STK32B: variants seen among roughly 807,000 people sequenced by gnomAD.
STK32B encodes serine/threonine kinase 32B, also known as serine/threonine-protein kinase 32B.
STK32B carries 43 observed loss-of-function variants against 52.6 expected under a neutral mutation model. That is an observed-to-expected ratio of 0.82 (90% CI 0.64 to 1.05). The LOEUF (loss-of-function observed/expected upper bound fraction) is 1.05. STK32B is among the 50% of genes least tolerant of loss of function. The pLI, the probability that STK32B is intolerant of heterozygous loss-of-function variation, is 0.00. For missense variants in STK32B, 621 were observed against 534.6 expected, an observed-to-expected ratio of 1.16 and a Z score of -1.59; for synonymous variants, 238 against 204.3, an observed-to-expected ratio of 1.17 and a Z score of -1.41.
the STK32B span, among the ~76,000 whole-genome samples, chr4:5,034,370 C>T: frequency 6.6e-6 from 1 of 152,238 alleles, no homozygotes; most frequent in African/African-American, 2.4e-5. Context: ...TGCCTTCCAT[C>T]TGTCACTTTC....
At position 5,076,574 on chromosome 4, in the gene STK32B, T is replaced by G. The variant is rs140100399; in HGVS notation, c.52+24659T>G. The stretch of plus-strand genomic sequence containing the variant: ...TTGCTGATAAACATTTTTTCTACAT[T>G]GTTTTTTCACCGACTAGTAAATACT... On this transcript the variant is annotated intron_variant, in intron 1 of 11. Transcript: ENST00000282908. Among the ~76,000 whole-genome samples, 223 of 152,310 alleles carry G rather than the reference T, an allele frequency of 1.5e-3. 3 individuals are homozygous for G. The East Asian group carries it at 0.029, about 20-fold the overall frequency.
At chr4:5,314,893 A>C (rs1238335035) in intron 3 of STK32B, among the ~76,000 whole-genome samples, 1 of 152,196 alleles carries the variant, frequency 6.6e-6, no homozygotes, top group Non-Finnish European at 1.5e-5. Flanking sequence ...TTGATAGAAA[A>C]AGAGAAGAAT....
At chr4:5,481,889 G>A (rs1718744478) in intron 11 of STK32B, among the ~76,000 whole-genome samples, 1 of 152,094 alleles carries the variant, frequency 6.6e-6, no homozygotes, top group South Asian at 2.1e-4. Flanking sequence ...AAGATCCGAT[G>A]GTTGTAGATA....
At chr4:5,274,487 G>T (rs552446115) in intron 3 of STK32B, among the ~76,000 whole-genome samples, 2 of 152,254 alleles carry the variant, frequency 1.3e-5, no homozygotes, top group South Asian at 4.1e-4. Context: ...TAACTGGGAA[G>T]GTGACCACAT....
At chr4:5,333,155 C>T (rs2108957335) in intron 4 of STK32B, among the ~76,000 whole-genome samples, 1 of 152,100 alleles carries the variant, frequency 6.6e-6, no homozygotes, top group Non-Finnish European at 1.5e-5. Context: ...TCTCCAGCAC[C>T]TGTTGTTTCC....
At chr4:5,027,256 G>T in the STK32B span, among the ~76,000 whole-genome samples, 2 of 152,206 alleles carry the variant, frequency 1.3e-5, no homozygotes, top group Non-Finnish European at 2.9e-5. Flanking sequence ...AAACACCAAG[G>T]CTGGGCTTTG....
rs747851585 is a variant in STK32B at position 5,460,265 on chromosome 4, C to G, written c.909+37C>G. 3.5e-5 allele frequency: 55 copies of G among 1,586,996 alleles called. No individual in the cohort carries two copies. The highest frequency in any genetic ancestry group is 4.5e-5 in the Non-Finnish European group (52 of 1,166,656). On this transcript the variant is annotated intron_variant, in intron 9 of 11. Transcript: ENST00000282908. This position sits in a 1 kb window ranked among gnomAD's most constrained non-coding sequence, Gnocchi z 4.8. Reference sequence around the variant, plus strand: ...TCCCACCTGATGTCATGCCACCCCTCTGCAGGGTCCCCGCCTTGGTGCAAA... The same window carrying G: ...TCCCACCTGATGTCATGCCACCCCTGTGCAGGGTCCCCGCCTTGGTGCAAA...
At chr4:5,323,977 C>T (rs1731705175) in intron 3 of STK32B, among the ~76,000 whole-genome samples, 1 of 152,190 alleles carries the variant, frequency 6.6e-6, no homozygotes, top group Admixed American at 6.5e-5. Flanking sequence ...CTCTCTGAAC[C>T]TCATGGTCTT....
At chr4:5,485,606 C>A (rs903697339) in intron 11 of STK32B, among the ~76,000 whole-genome samples, 2 of 152,234 alleles carry the variant, frequency 1.3e-5, no homozygotes, top group African/African-American at 4.8e-5. Flanking sequence ...CATTCTCCCT[C>A]CAGCTTTGTT....
At chr4:5,188,297 G>A (rs1331160490) in intron 3 of STK32B, among the ~76,000 whole-genome samples, 1 of 152,178 alleles carries the variant, frequency 6.6e-6, no homozygotes, top group East Asian at 1.9e-4. Flanking sequence ...CGCAGAAATA[G>A]CATTCGCATG....
chr4:5,187,253 T>G (rs1324170011), intron 3 of STK32B, among the ~76,000 whole-genome samples: 1 of 152,224 alleles, frequency 6.6e-6, no homozygotes, highest in African/African-American at 2.4e-5. Context: ...GTGCCCGTTT[T>G]CCTGACTGCT....
At chr4:5,139,732 G>A (rs543378408) in intron 1 of STK32B, 173 bp from the exon 2 acceptor site, 18 of 633,276 alleles carry the variant, frequency 2.8e-5, no homozygotes, top group Non-Finnish European at 4.5e-5. Flanking sequence ...GGAAAAAATG[G>A]AATGTGCTGC....
intron 3 of STK32B, among the ~76,000 whole-genome samples, chr4:5,189,095 A>G (rs530221391): frequency 2.0e-5 from 3 of 152,128 alleles, no homozygotes; most frequent in African/African-American, 4.8e-5. Context: ...GCCCCCACCC[A>G]TGCAGCACTT....
At chr4:5,370,047 T>G (rs1046703995) in intron 4 of STK32B, among the ~76,000 whole-genome samples, 2 of 152,040 alleles carry the variant, frequency 1.3e-5, no homozygotes, top group African/African-American at 4.8e-5. Flanking sequence ...GCTAATTTTT[T>G]GTATTTTTAG....
chr4:5,184,472 G>C (rs1156603327), intron 3 of STK32B, among the ~76,000 whole-genome samples: 1 of 152,102 alleles, frequency 6.6e-6, no homozygotes, highest in Admixed American at 6.5e-5. Flanking sequence ...TGGATCCCTT[G>C]AGGTCAGGAG....
At chr4:5,387,732 T>A (rs1490750216) in intron 4 of STK32B, among the ~76,000 whole-genome samples, 1 of 152,046 alleles carries the variant, frequency 6.6e-6, no homozygotes, top group Non-Finnish European at 1.5e-5. Context: ...CTTCTGCCAC[T>A]GTTTTGTTTT....
chr4:5,019,945 T>C, the STK32B span, among the ~76,000 whole-genome samples: 21,528 of 152,146 alleles, frequency 0.14, 1,807 homozygotes, highest in African/African-American at 0.23. Flanking sequence ...GGAGCAGGGA[T>C]GCAGAGCTGC....
chr4:5,040,205 A>C, the STK32B span, among the ~76,000 whole-genome samples: 1 of 152,176 alleles, frequency 6.6e-6, no homozygotes, highest in Non-Finnish European at 1.5e-5. Context: ...TGCTCAGCTA[A>C]CACTGGAGGT....
At chr4:5,194,562 A>G (rs1365057283) in intron 3 of STK32B, among the ~76,000 whole-genome samples, 2 of 152,212 alleles carry the variant, frequency 1.3e-5, no homozygotes, top group East Asian at 1.9e-4. Flanking sequence ...ATGAACTTCA[A>G]TGCGTCGATC....
Sources: gnomAD v4.1 joint callset for allele counts (sites outside exome capture counted in the v4.1 genomes callset) on GRCh38, gnomAD v4.1.1 for gene constraint, Gnocchi (gnomAD v3.1) non-coding constraint, MANE v1.5 for transcripts, NCBI Gene and HGNC (gene_info 2026-07-23, HGNC 2026-07-21) for gene names.